Variants in CCDC180 observed in about 807,000 individuals in gnomAD.
CCDC180 encodes coiled-coil domain-containing protein 180.
CCDC180 carries 154 observed loss-of-function variants against 209.2 expected under a neutral mutation model. The ratio of observed to expected loss-of-function variants is 0.74; its 90% CI spans 0.65 to 0.84. CCDC180 has a LOEUF of 0.84. Ranked by LOEUF, CCDC180 falls within the 40% of genes least tolerant of loss-of-function variation. The pLI, the probability that CCDC180 is intolerant of heterozygous loss-of-function variation, is 0.00. For missense variants in CCDC180, 1,874 were observed against 1,997.3 expected, an observed-to-expected ratio of 0.94 and a Z score of 1.18; for synonymous variants, 778 against 749.1, an observed-to-expected ratio of 1.04 and a Z score of -0.63.
Position 97,330,327 on chromosome 9 carries a change from C to G in CCDC180, c.1834C>G (p.His612Asp). ...VIFKFRQPEA[H>D]EKPSQKRVKK... The stretch of plus-strand genomic sequence containing the variant: ...TTGGTGTTTATCATCAACAGAAGCA[C>G]ATGAAAAACCCTCCCAGAAGAGAGT... The change falls in exon 18 of 37, where the codon CAT (histidine) becomes GAT (aspartate). Residue 612 changes from histidine (H) to aspartate (D), a missense_variant. Coordinates refer to ENST00000529487, the MANE Select transcript of CCDC180 (RefSeq NM_020893.6). 6.2e-7 allele frequency: 1 copy of G among 1,613,012 alleles called. No homozygotes were observed. Among genetic ancestry groups the G allele is most frequent in the Non-Finnish European group, 8.5e-7 (1 of 1,179,536 alleles).
chr9:97,333,995 A>AT (rs964718158), intron 18 of CCDC180, among the ~76,000 whole-genome samples: 11 of 146,992 alleles, frequency 7.5e-5, no homozygotes, highest in African/African-American at 1.7e-4. Flanking sequence ...TAATTTTTGT[A>AT]TTTTTTTTTT....
chr9:97,324,083 A>C, intron 13 of CCDC180, 180 bp downstream of exon 13: 1 of 642,856 alleles, frequency 1.6e-6, no homozygotes, highest in Admixed American at 3.2e-5. Flanking sequence ...CACTCACCGG[A>C]CTCCTCCCAG....
At chr9:97,345,717 C>T (rs1826243001) in intron 19 of CCDC180, 3 of 291,858 alleles carry the variant, frequency 1.0e-5, no homozygotes, top group South Asian at 9.0e-5. Context: ...TGCTGCTGCA[C>T]TCCTGACTGG....
At chr9:97,367,223 T>C (rs1165414879) in intron 31 of CCDC180, among the ~76,000 whole-genome samples, 1 of 152,246 alleles carries the variant, frequency 6.6e-6, no homozygotes, top group Non-Finnish European at 1.5e-5. Flanking sequence ...TTTTGCATAA[T>C]ATTTCAAGGT....
chr9:97,352,941 G>GTA (rs1564168617), intron 22 of CCDC180, among the ~76,000 whole-genome samples: 1 of 136,324 alleles, frequency 7.3e-6, no homozygotes, highest in African/African-American at 2.9e-5. Context: ...ATACATATAC[G>GTA]TATGTATATA....
At position 97,376,876 on chromosome 9, in the gene CCDC180, C is replaced by A. The variant is rs777576437; in HGVS notation, c.4956C>A (p.Ile1652=). The change falls in exon 37 of 37, where the codon ATC becomes ATA. Residue 1652 remains isoleucine (I), a synonymous_variant. Transcript: ENST00000529487. ...GCTGGAAGCAGTCCCTGCACACTAT[C>A]CAAGGCCTGTATGTGTGACCCTCCG... ...KDSWKQSLHT[I]QGLYV 2 of 1,612,318 alleles carry A rather than the reference C, an allele frequency of 1.2e-6. No homozygotes were observed. The highest frequency in any genetic ancestry group is 1.7e-6 in the Non-Finnish European group (2 of 1,179,834).
intron 10 of CCDC180, among the ~76,000 whole-genome samples, 175 bp from the exon 11 acceptor site, chr9:97,319,951 A>G (rs891907899): frequency 1.3e-5 from 2 of 152,202 alleles, no homozygotes; most frequent in East Asian, 3.8e-4. Context: ...TTTGTTAATT[A>G]AAAGACCTTT....
intron 15 of CCDC180, among the ~76,000 whole-genome samples, 199 bp from the exon 16 acceptor site, chr9:97,327,821 G>T (rs1204948527): frequency 6.6e-6 from 1 of 152,158 alleles, no homozygotes; most frequent in African/African-American, 2.4e-5. Context: ...AGTCTCTTGT[G>T]TGTGTTTTCC....
chr9:97,377,008 C>CAGAGCAGG lies in CCDC180; in HGVS notation c.*114_*115insAGAGCAGG. On this transcript the variant is annotated 3_prime_UTR_variant, in exon 37 of 37. Transcript: ENST00000529487. ...CTCCCTTCATCCCTCCACCCCTGCTCTGTGCCGGGCACTGTAGCTTTACCA... is the reference window on the plus strand; with the variant it reads ...CTCCCTTCATCCCTCCACCCCTGCTCAGAGCAGGTGTGCCGGGCACTGTAGCTTTACCA... 1.6e-6 allele frequency: 2 copies of CAGAGCAGG among 1,232,690 alleles called. No individual in the cohort carries two copies. The highest frequency in any genetic ancestry group is 2.2e-6 in the Non-Finnish European group (2 of 900,412). The allele number at this position is 1,232,690 out of a possible 1,614,324, so 76.4% of individuals were successfully genotyped here. A position where few individuals can be genotyped will look rare whatever the true frequency, so the allele number is the denominator to read the frequency against.
chr9:97,309,357 T>G, intron 2 of CCDC180, 57 bp from the exon 3 acceptor site: 1 of 1,518,058 alleles, frequency 6.6e-7, no homozygotes, highest in Non-Finnish European at 8.9e-7. Context: ...AGCCTGAGAG[T>G]GCTAGGAAGT....
At chr9:97,312,274 C>A in intron 4 of CCDC180, 73 bp downstream of exon 4, 1 of 1,246,590 alleles carries the variant, frequency 8.0e-7, no homozygotes, top group South Asian at 1.3e-5. Flanking sequence ...GTGGGGACGT[C>A]TCCTGGCAAC....
At chr9:97,330,006 T>TG (rs1825681959) in intron 16 of CCDC180, 148 bp from the exon 17 acceptor site, 2 of 652,938 alleles carry the variant, frequency 3.1e-6, no homozygotes, top group South Asian at 3.9e-5. Flanking sequence ...AGGCGGAGCT[T>TG]GCAGCGAACC....
Position 97,343,583 on chromosome 9 carries a change from A to G in CCDC180, c.2498+20A>G, listed in dbSNP as rs749837002. ...GAAACAGTGAGTAAAAAACTATTTT[A>G]TTCTCATCCTGTTGTTCTGAGTTTT... On this transcript the variant is annotated intron_variant, in intron 19 of 36. Coordinates refer to ENST00000529487, the MANE Select transcript of CCDC180 (RefSeq NM_020893.6). The G allele has an allele frequency of 1.0e-5, 15 of 1,506,644 alleles. No individual in the cohort carries two copies. The highest frequency in any genetic ancestry group is 1.4e-5 in the Non-Finnish European group (15 of 1,085,144). The allele number at this position is 1,506,644 out of a possible 1,614,324, so 93.3% of individuals were successfully genotyped here. A position where few individuals can be genotyped will look rare whatever the true frequency, so the allele number is the denominator to read the frequency against.
chr9:97,315,016 G>T lies in CCDC180; in HGVS notation c.795+70G>T, dbSNP rs563977679. On this transcript the variant is annotated intron_variant, in intron 8 of 36. Coordinates refer to ENST00000529487, the MANE Select transcript of CCDC180 (RefSeq NM_020893.6). ...CAGGACCAGGAACCCAGGGCACCCC[G>T]AGCCTGGTGTCTGGTGTCTCAGGAA... 4 of 1,169,696 alleles carry T rather than the reference G, an allele frequency of 3.4e-6. No homozygotes were observed. In the East Asian group the frequency reaches 9.6e-5, roughly 28 times the overall value. 72.5% of individuals were successfully genotyped at this position (1,169,696 alleles called of 1,614,324 possible).
chr9:97,370,838 C>T (rs1233864307), intron 33 of CCDC180, 60 bp downstream of exon 33: 1 of 1,565,314 alleles, frequency 6.4e-7, no homozygotes, highest in Non-Finnish European at 8.7e-7. Flanking sequence ...CGATGGACAG[C>T]CACTGACAGT....
At chr9:97,370,495 T>C (rs1587836969) in intron 32 of CCDC180, 146 bp from the exon 33 acceptor site, 1 of 870,914 alleles carries the variant, frequency 1.1e-6, no homozygotes, top group South Asian at 1.7e-5. Context: ...TCTTAACCCC[T>C]CTGCCACTCT....
At chr9:97,322,747 C>A in intron 11 of CCDC180, 86 bp from the exon 12 acceptor site, 2 of 1,103,302 alleles carry the variant, frequency 1.8e-6, no homozygotes, top group Non-Finnish European at 1.4e-6. Flanking sequence ...GCTGTGGAGG[C>A]ATTTTGCTCC....
chr9:97,364,033 C>T lies in CCDC180; in HGVS notation c.3903-18C>T, dbSNP rs538471928. The T allele has an allele frequency of 2.5e-6, 4 of 1,613,324 alleles. No homozygotes were observed. The highest frequency in any genetic ancestry group is 4.5e-5 in the East Asian group (2 of 44,860). On this transcript the variant is annotated intron_variant, in intron 28 of 36. Transcript: ENST00000529487. ...CTGTCCACAGCCTCCAGACCACCCA[C>T]CCACCTTTGTCCCACAGCTTCACAC...
chr9:97,373,240 TATA>T (rs1564179423), intron 34 of CCDC180: 1 of 152,238 alleles, frequency 6.6e-6, no homozygotes. Context: ...CTTTTATAAA[TATA>T]AGATTAAAAT....
Sources: gnomAD v4.1 joint callset for allele counts (sites outside exome capture counted in the v4.1 genomes callset) on GRCh38, gnomAD v4.1.1 for gene constraint, MANE v1.5 for transcripts, NCBI Gene and HGNC (gene_info 2026-07-23, HGNC 2026-07-21) for gene names.